Variants in OCA2 observed in about 807,000 individuals in gnomAD.
OCA2 encodes OCA2 melanosomal transmembrane protein.
OCA2 carries 77 observed loss-of-function variants against 100.2 expected under a neutral mutation model. The observed-to-expected ratio is 0.77, with a 90% CI of 0.64 to 0.93. OCA2 has a LOEUF of 0.93. Ranked by LOEUF, OCA2 falls within the 40% of genes least tolerant of loss-of-function variation. The pLI, the probability that OCA2 is intolerant of heterozygous loss-of-function variation, is 0.00. For synonymous variants in OCA2, 432 were observed against 439.2 expected, an observed-to-expected ratio of 0.98 and a Z score of 0.21; for missense variants, 1,062 against 1,089.1, an observed-to-expected ratio of 0.98 and a Z score of 0.35.
chr15:27,924,461 T>G (rs985471757), intron 19 of OCA2, among the ~76,000 whole-genome samples: 9 of 148,814 alleles, frequency 6.0e-5, no homozygotes, highest in African/African-American at 2.3e-4. Context: ...ATTGAAATGA[T>G]AAAACTATTA....
chr15:28,010,293 G>A (rs116098281), intron 9 of OCA2, among the ~76,000 whole-genome samples: 2,046 of 152,236 alleles, frequency 0.013, 43 homozygotes, highest in African/African-American at 0.047. Context: ...ACTTCATGGT[G>A]AAAGACTGAA....
chr15:28,038,030 A>G (rs1026477596), intron 2 of OCA2, among the ~76,000 whole-genome samples: 1 of 151,458 alleles, frequency 6.6e-6, no homozygotes, highest in Non-Finnish European at 1.5e-5. Flanking sequence ...CTCTATCCCT[A>G]TCTCCTCCCT....
intron 10 of OCA2, among the ~76,000 whole-genome samples, chr15:27,990,349 C>T (rs1249822555): frequency 6.6e-6 from 1 of 152,212 alleles, no homozygotes; most frequent in Non-Finnish European, 1.5e-5. Flanking sequence ...TCCTCCACCA[C>T]GATGAGGAAT....
At chr15:28,078,246 C>T (rs2044498189) in intron 2 of OCA2, among the ~76,000 whole-genome samples, 2 of 152,230 alleles carry the variant, frequency 1.3e-5, no homozygotes, top group Admixed American at 1.3e-4. Context: ...ATAAAAGACA[C>T]CAATCATCTT....
At chr15:27,785,324 A>G (rs1458272813) in intron 23 of OCA2, among the ~76,000 whole-genome samples, 2 of 152,220 alleles carry the variant, frequency 1.3e-5, no homozygotes, top group Admixed American at 6.5e-5. Flanking sequence ...ATGTACACAC[A>G]TGTTCATAGC....
chr15:27,947,889 G>A (rs887923983), intron 18 of OCA2, among the ~76,000 whole-genome samples: 10 of 152,274 alleles, frequency 6.6e-5, no homozygotes, highest in Admixed American at 1.3e-4. Context: ...CTGGGTTGAA[G>A]CTCCCGGATG....
At chr15:28,023,241 T>C (rs977438747) in intron 5 of OCA2, among the ~76,000 whole-genome samples, 1 of 152,144 alleles carries the variant, frequency 6.6e-6, no homozygotes, top group Non-Finnish European at 1.5e-5. Flanking sequence ...GCCAAAAATA[T>C]CAAATCGTGA....
the OCA2 span, among the ~76,000 whole-genome samples, chr15:27,734,427 TGGAGTGA>T: frequency 1.3e-5 from 2 of 151,900 alleles, no homozygotes; most frequent in Admixed American, 6.6e-5. Flanking sequence ...CAGCACAGGA[TGGAGTGA>T]GATAATGTCT....
intron 23 of OCA2, among the ~76,000 whole-genome samples, chr15:27,844,137 AG>A (rs2035445637): frequency 6.6e-6 from 1 of 152,160 alleles, no homozygotes. Context: ...GTCAGCAGTC[AG>A]GGCCCCAGCG....
At chr15:27,814,313 T>A (rs2034194109) in intron 23 of OCA2, among the ~76,000 whole-genome samples, 1 of 152,112 alleles carries the variant, frequency 6.6e-6, no homozygotes, top group Non-Finnish European at 1.5e-5. Context: ...AAGACTGAAG[T>A]GCATAAAATG....
intron 17 of OCA2, among the ~76,000 whole-genome samples, chr15:27,954,001 C>A (rs1381478834): frequency 1.3e-5 from 2 of 151,980 alleles, no homozygotes; most frequent in Non-Finnish European, 2.9e-5. Context: ...TAAGTGAGAA[C>A]ATACAATGTT....
chr15:28,041,343 C>T (rs1055263585), intron 2 of OCA2, among the ~76,000 whole-genome samples: 1 of 151,632 alleles, frequency 6.6e-6, no homozygotes, highest in Non-Finnish European at 1.5e-5. Flanking sequence ...AAATGCACAC[C>T]CTCAGCAAAC....
intron 14 of OCA2, among the ~76,000 whole-genome samples, chr15:27,970,267 T>G (rs1466776223): frequency 6.7e-6 from 1 of 149,390 alleles, no homozygotes; most frequent in African/African-American, 2.4e-5. Flanking sequence ...CCACAGATAT[T>G]AAATAGGTGT....
chr15:27,906,102 G>C (rs1262507196), intron 19 of OCA2, among the ~76,000 whole-genome samples: 5 of 152,224 alleles, frequency 3.3e-5, no homozygotes, highest in Non-Finnish European at 7.3e-5. Context: ...ATAAGTTCTA[G>C]TGTTTGATAG....
At chr15:27,948,278 C>T (rs2039912225) in intron 18 of OCA2, among the ~76,000 whole-genome samples, 1 of 152,134 alleles carries the variant, frequency 6.6e-6, no homozygotes, top group African/African-American at 2.4e-5. Flanking sequence ...TGTGGGAACG[C>T]AACGGGGTTG....
At chr15:27,814,100 A>G (rs72710510) in intron 23 of OCA2, among the ~76,000 whole-genome samples, 2,526 of 152,304 alleles carry the variant, frequency 0.017, 34 homozygotes, top group Non-Finnish European at 0.025. Context: ...CAATCAATCA[A>G]TGTTAACTAC....
intron 9 of OCA2, among the ~76,000 whole-genome samples, chr15:27,994,861 A>G (rs1356461150): frequency 6.6e-6 from 1 of 152,016 alleles, no homozygotes; most frequent in Non-Finnish European, 1.5e-5. Flanking sequence ...GCTAGTCATC[A>G]TGTAAATTCC....
At chr15:27,775,248 C>T (rs867062214) in intron 23 of OCA2, among the ~76,000 whole-genome samples, 7 of 152,266 alleles carry the variant, frequency 4.6e-5, no homozygotes, top group African/African-American at 1.4e-4. Flanking sequence ...CCACAGTTGG[C>T]GGCCTGTTTT....
At chr15:27,823,627 A>G (rs1326453585) in intron 23 of OCA2, among the ~76,000 whole-genome samples, 4 of 152,184 alleles carry the variant, frequency 2.6e-5, no homozygotes, top group African/African-American at 9.6e-5. Flanking sequence ...TTATTTTAGT[A>G]TCTTCTAGAT....
Sources: allele counts gnomAD v4.1 joint callset (sites outside exome capture counted in the v4.1 genomes callset), GRCh38; gene constraint gnomAD v4.1.1; transcripts MANE v1.5; gene names NCBI Gene and HGNC (gene_info 2026-07-23, HGNC 2026-07-21).